The following CD74 variants were observed in gnomAD, a reference collection of about 807,000 sequenced individuals.
CD74 encodes the protein CD74 molecule, also known as HLA class II histocompatibility antigen gamma chain.
CD74 carries 20 observed loss-of-function variants against 37.1 expected under a neutral mutation model. The observed-to-expected ratio is 0.54, with a 90% CI of 0.38 to 0.78. The LOEUF is 0.78. Ranked by LOEUF, CD74 falls within the 30% of genes least tolerant of loss-of-function variation. The probability of loss-of-function intolerance (pLI) is 0.00; values close to 1 mark genes in which losing one functional copy is unlikely to be tolerated. For synonymous variants in CD74, 150 were observed against 152.0 expected (o/e 0.99, Z 0.10); for missense variants, 338 against 389.5 (o/e 0.87, Z 1.11).
chr5:150,406,158 T>C, intron 4 of CD74, 101 bp downstream of exon 4: 1 of 837,192 alleles, frequency 1.2e-6, no homozygotes, highest in Non-Finnish European at 2.1e-6. Context: ...AGAGCACATG[T>C]TGAAAGTCTG....
chr5:150,406,092 G>T, intron 4 of CD74, 167 bp downstream of exon 4: 1 of 595,126 alleles, frequency 1.7e-6, no homozygotes, highest in African/African-American at 1.8e-5. Flanking sequence ...TCTCAAAAAT[G>T]CAGAGGCCAG....
At position 150,407,352 on chromosome 5, in the gene CD74, A is replaced by G. The variant is rs1446894460; in HGVS notation, c.126-28T>C. 5 of 1,579,412 alleles carry G rather than the reference A, an allele frequency of 3.2e-6. No individual in the cohort carries two copies. The highest frequency in any genetic ancestry group is 4.3e-6 in the Non-Finnish European group (5 of 1,161,970). ...GTGGGAGGTGGGGAGGATAGGTCAG[A>G]GGAGGATCCACAGTGGTGGCTGCCC... On this transcript the variant is annotated intron_variant, in intron 1 of 8. Transcript: ENST00000009530. The surrounding 1 kb of genome is among the most constrained non-coding windows in gnomAD (Gnocchi z 4.4).
intron 3 of CD74, 102 bp downstream of exon 3, chr5:150,406,758 TCCCTCCCGCAGCAGTCAGGAC>T (rs1769985784): frequency 3.1e-6 from 2 of 642,282 alleles, no homozygotes; most frequent in Non-Finnish European, 5.4e-6. Context: ...GCAGGCACTG[TCCCTCCCGCAGCAGTCAGGAC>T]CCCTCCCCAG....
rs2151169457 is a variant in CD74 at position 150,403,098 on chromosome 5, A to T, written c.817+23T>A. 6.2e-7 allele frequency: 1 copy of T among 1,601,258 alleles called. No individual in the cohort carries two copies. The highest frequency in any genetic ancestry group is 8.5e-7 in the Non-Finnish European group (1 of 1,172,602). Reference sequence around the variant, plus strand: ...TCCTAGTCCTTCCTGGTCCTCTGACACTGGCACAGTGCCACTGCTTACCAC... The same window carrying T: ...TCCTAGTCCTTCCTGGTCCTCTGACTCTGGCACAGTGCCACTGCTTACCAC... On this transcript the variant is annotated intron_variant, in intron 7 of 8. Coordinates refer to ENST00000009530, the MANE Select transcript of CD74 (RefSeq NM_001025159.3). The surrounding 1 kb of genome is among the most constrained non-coding windows in gnomAD (Gnocchi z 4.5).
At chr5:150,410,157 C>T (rs1489189824) in intron 1 of CD74, among the ~76,000 whole-genome samples, 1 of 152,144 alleles carries the variant, frequency 6.6e-6, no homozygotes, top group Non-Finnish European at 1.5e-5. Flanking sequence ...GGTGGCCTAG[C>T]CTGTGTTCAG....
Position 150,412,677 on chromosome 5 carries a change from A to G in CD74, c.73T>C (p.Ser25Pro), listed in dbSNP as rs748539271. 2 of 1,613,914 alleles carry G rather than the reference A, an allele frequency of 1.2e-6. No homozygotes were observed. The highest frequency in any genetic ancestry group is 3.3e-5 in the Admixed American group (2 of 60,004). Reference sequence around the variant, plus strand: ...AGCATGGGCAGTTGCTCATTGTTGGAGATAAGGTCGCGCTGGTCATCCATG... The same window carrying G: ...AGCATGGGCAGTTGCTCATTGTTGGGGATAAGGTCGCGCTGGTCATCCATG... ...PVMDDQRDLISNNEQLPMLGR... is the reference protein window; with the variant it reads ...PVMDDQRDLIPNNEQLPMLGR... The change falls in exon 1 of 9, where the codon TCC becomes CCC. Residue 25 changes from serine to proline, a missense_variant. Ser to Pro is a moderately conservative substitution (Grantham distance 74). Transcript: ENST00000009530.
At position 150,405,151 on chromosome 5, in the gene CD74, T is replaced by C; in HGVS notation, c.471A>G (p.Pro157=). The C allele has an allele frequency of 6.2e-7, 1 of 1,610,560 alleles. No individual in the cohort carries two copies. Among genetic ancestry groups the C allele is most frequent in the Non-Finnish European group, 8.5e-7 (1 of 1,178,354 alleles). ...GGTTCTCCGGGAAGCTCCCCTTCAG[T>C]GGCGGGTACACCTTCAGGGGGTCAG... is the stretch of plus-strand genomic sequence containing the variant. The part of the protein sequence containing the change: ...QNADPLKVYP[P]LKGSFPENLR... Residue 157 remains proline (P), a synonymous_variant, in exon 5 of 9, where the codon CCA becomes CCG. Coordinates refer to ENST00000009530, the MANE Select transcript of CD74 (RefSeq NM_001025159.3).
rs1464288633 is a variant in CD74, at chr5:150,403,876, C to CA, written c.626-565dup. Among the ~76,000 whole-genome samples the CA allele has an allele frequency of 6.6e-6, 1 of 152,026 alleles. No homozygotes were observed. Among genetic ancestry groups the CA allele is most frequent in the Admixed American group, 6.6e-5 (1 of 15,266 alleles). On this transcript the variant is annotated intron_variant, in intron 6 of 8. Coordinates refer to ENST00000009530, the MANE Select transcript of CD74 (RefSeq NM_001025159.3). The surrounding 1 kb of genome is among the most constrained non-coding windows in gnomAD (Gnocchi z 4.5). ...TCTATCTCAAAAACAAACAATCAAA[C>CA]AAAAAAACACCATTACAGTTTGGAA... is the stretch of plus-strand genomic sequence containing the variant.
intron 4 of CD74, 148 bp downstream of exon 4, chr5:150,406,111 T>C: frequency 5.8e-6 from 4 of 684,068 alleles, no homozygotes; most frequent in South Asian, 1.6e-5. Context: ...AGACTACATA[T>C]AACATTTAAG....
intron 3 of CD74, 55 bp from the exon 4 acceptor site, chr5:150,406,376 T>G: frequency 3.5e-6 from 5 of 1,423,556 alleles, no homozygotes; most frequent in Non-Finnish European, 4.0e-6. Flanking sequence ...GCAGGGGGTA[T>G]GGAGCAGGAG....
In CD74 at chr5:150,406,897, C is replaced by T. The variant is rs1377814758; in HGVS notation, c.362G>A (p.Gly121Glu). The T allele has an allele frequency of 2.6e-6, 4 of 1,518,590 alleles. No individual in the cohort carries two copies. Among genetic ancestry groups the T allele is most frequent in the Non-Finnish European group, 1.8e-6 (2 of 1,138,558 alleles). 94.1% of individuals were successfully genotyped at this position (1,518,590 alleles called of 1,614,324 possible). A position where few individuals can be genotyped will look rare whatever the true frequency, so the allele number is the denominator to read the frequency against. ...TPLLMQALPM[G>E]ALPQGPMQNA... is the part of the protein sequence containing the mutation. ...TGTCCTTACCCCCTGGGGCAGGGCT[C>T]CCATGGGCAGCGCCTGCATCAGCAG... The change falls in exon 3 of 9, where the codon GGA becomes GAA. Residue 121 changes from glycine to glutamate, a missense_variant. Transcript: ENST00000009530.
At chr5:150,412,576 G>C in intron 1 of CD74, 49 bp downstream of exon 1, 1 of 1,381,764 alleles carries the variant, frequency 7.2e-7, no homozygotes, top group Non-Finnish European at 1.0e-6. Flanking sequence ...ACATGCGCAC[G>C]GCTCTGCAGT....
In CD74 at chr5:150,412,176, G is replaced by A. The variant is rs547525736; in HGVS notation, c.125+449C>T. 4.6e-5 allele frequency among the ~76,000 whole-genome samples: 7 copies of A among 152,304 alleles called. No individual in the cohort carries two copies. The South Asian group carries it at 1.4e-3, about 32-fold the overall frequency. On this transcript the variant is annotated intron_variant, in intron 1 of 8. Coordinates refer to ENST00000009530, the MANE Select transcript of CD74 (RefSeq NM_001025159.3). ...GATGGGGTTTCAACATGTTGGCCAG[G>A]CTGGTCTCGAACTCCTGGCCTCAGC...
intron 1 of CD74, among the ~76,000 whole-genome samples, chr5:150,411,168 T>G (rs893955729): frequency 3.3e-5 from 5 of 152,182 alleles, no homozygotes; most frequent in African/African-American, 1.2e-4. Flanking sequence ...AAAATTGAGT[T>G]TAGCCTTTAC....
chr5:150,409,708 A>AC (rs886201122), intron 1 of CD74, among the ~76,000 whole-genome samples: 29 of 149,498 alleles, frequency 1.9e-4, no homozygotes, highest in African/African-American at 6.8e-4. Context: ...ACATAACAAA[A>AC]AAAAAAAAAA....
In CD74 at chr5:150,405,162, C is replaced by T. The variant is rs770726706; in HGVS notation, c.460G>A (p.Val154Met). Residue 154 changes from valine to methionine, a missense_variant, in exon 5 of 9, where the codon GTG (valine) becomes ATG (methionine). Physicochemically the swap from Val to Met is conservative, Grantham distance 21 (BLOSUM62 1). Coordinates refer to ENST00000009530, the MANE Select transcript of CD74 (RefSeq NM_001025159.3). ...HLLQNADPLK[V>M]YPPLKGSFPE... ...AAGCTCCCCTTCAGTGGCGGGTACA[C>T]CTTCAGGGGGTCAGCATTCTACAGG... 1.1e-5 allele frequency: 18 copies of T among 1,607,000 alleles called. 1 individual carries two copies. The South Asian group carries it at 2.0e-4, about 18-fold the overall frequency.
At position 150,402,591 on chromosome 5, in the gene CD74, C is replaced by T. The variant is rs760030201; in HGVS notation, c.852G>A (p.Leu284=). 5.6e-6 allele frequency: 9 copies of T among 1,613,548 alleles called. No individual in the cohort carries two copies. Among genetic ancestry groups the T allele is most frequent in the Non-Finnish European group, 7.6e-6 (9 of 1,179,788 alleles). Residue 284 remains leucine, a synonymous_variant, in exon 8 of 9, where the codon CTG becomes CTA. Transcript: ENST00000009530. This position sits in a 1 kb window ranked among gnomAD's most constrained non-coding sequence, Gnocchi z 4.2. ...SLELEDPSSG[L]GVTKQDLGPV... is the part of the protein sequence containing the mutation. ...GGCCCAGATCCTGCTTGGTCACACC[C>T]AGCCCAGAAGACGGGTCCTCCAGTT...
chr5:150,409,718 A>G (rs1367933922), intron 1 of CD74, among the ~76,000 whole-genome samples: 1 of 150,616 alleles, frequency 6.6e-6, no homozygotes, highest in African/African-American at 2.4e-5. Context: ...AAAAAAAAAA[A>G]AAAACAAGAA....
At position 150,412,156 on chromosome 5, in the gene CD74, G is replaced by C. The variant is rs375035979; in HGVS notation, c.125+469C>G. Among the ~76,000 whole-genome samples the C allele has an allele frequency of 2.4e-4, 36 of 152,278 alleles. 1 individual carries two copies. In the South Asian group the frequency reaches 7.0e-3, roughly 30 times the overall value. ...ATTTTTGTATTTTTAGTAGAGATGGGGTTTCAACATGTTGGCCAGGCTGGT... is the reference window on the plus strand; with the variant it reads ...ATTTTTGTATTTTTAGTAGAGATGGCGTTTCAACATGTTGGCCAGGCTGGT... On this transcript the variant is annotated intron_variant, in intron 1 of 8. Coordinates refer to ENST00000009530, the MANE Select transcript of CD74 (RefSeq NM_001025159.3).
Sources: gnomAD v4.1 joint callset for allele counts (sites outside exome capture counted in the v4.1 genomes callset) on GRCh38, gnomAD v4.1.1 for gene constraint, Gnocchi (gnomAD v3.1) non-coding constraint, MANE v1.5 for transcripts, NCBI Gene and HGNC (gene_info 2026-07-23, HGNC 2026-07-21) for gene names.